UBR1: variants seen among roughly 807,000 people sequenced by gnomAD.
The protein encoded by UBR1 is E3 ubiquitin-protein ligase UBR1.
A neutral mutation model predicts 242.1 loss-of-function variants in UBR1; 102 were observed. The ratio of observed to expected loss-of-function variants is 0.42; its 90% confidence interval spans 0.36 to 0.50. The LOEUF (loss-of-function observed/expected upper bound fraction) is 0.50. Ranked by LOEUF, UBR1 falls within the 20% of genes least tolerant of loss-of-function variation. The pLI is 0.01. For synonymous variants in UBR1, 675 were observed against 684.8 expected (o/e 0.99, Z 0.22); for missense variants, 1,772 against 2,101.8 (o/e 0.84, Z 3.07).
rs2033155918 is a variant in UBR1 at position 43,024,678 on chromosome 15, A to C, written c.2739+151T>G. 2.8e-6 allele frequency: 3 copies of C among 1,078,638 alleles called. No homozygotes were observed. In the African/African-American group the frequency reaches 4.7e-5, roughly 17 times the overall value. 66.8% of individuals were successfully genotyped at this position (1,078,638 alleles called of 1,614,324 possible). A position where few individuals can be genotyped will look rare whatever the true frequency, so the allele number is the denominator to read the frequency against. On this transcript the variant is annotated intron_variant, in intron 25 of 46. Coordinates refer to ENST00000290650, the MANE Select transcript of UBR1 (RefSeq NM_174916.3). ...ATGCTAAAAACACGAGATCACTAAA[A>C]AAAATTTGTGCTGTGTGTAAGCTAT...
intron 31 of UBR1, among the ~76,000 whole-genome samples, chr15:43,003,087 C>G (rs1040779705): frequency 2.6e-5 from 4 of 152,132 alleles, no homozygotes; most frequent in Non-Finnish European, 2.9e-5. Context: ...AAACTCTACA[C>G]AAAAGATTTC....
chr15:43,039,167 C>T (rs150882485), intron 15 of UBR1, among the ~76,000 whole-genome samples: 147 of 151,876 alleles, frequency 9.7e-4, no homozygotes, highest in African/African-American at 3.4e-3. Flanking sequence ...ATCAATTATG[C>T]CATATACAAA....
intron 33 of UBR1, among the ~76,000 whole-genome samples, chr15:42,995,875 C>T (rs545578156): frequency 1.3e-5 from 2 of 152,190 alleles, no homozygotes; most frequent in South Asian, 2.1e-4. Context: ...TCATTGCTGA[C>T]TGTTGTCTTC....
rs2033511822 is a variant in UBR1 at position 43,048,379 on chromosome 15, A to G, written c.1539+13T>C. The G allele has an allele frequency of 3.8e-6, 6 of 1,598,542 alleles. No homozygotes were observed. Among genetic ancestry groups the G allele is most frequent in the Non-Finnish European group, 5.1e-6 (6 of 1,169,078 alleles). ...TAAATTTCTTTTACTGATGTACAGAAAAATGATCATACCTGCATACAGGTA... is the reference window on the plus strand; with the variant it reads ...TAAATTTCTTTTACTGATGTACAGAGAAATGATCATACCTGCATACAGGTA... On this transcript the variant is annotated intron_variant, in intron 13 of 46. Coordinates refer to ENST00000290650, the MANE Select transcript of UBR1 (RefSeq NM_174916.3).
intron 25 of UBR1, among the ~76,000 whole-genome samples, 162 bp from the exon 26 acceptor site, chr15:43,022,963 A>C (rs916541377): frequency 2.6e-5 from 4 of 152,144 alleles, no homozygotes; most frequent in African/African-American, 7.2e-5. Flanking sequence ...CTTGGGCTCA[A>C]GTGATCCTCC....
At chr15:43,078,211 A>C (rs901761028) in intron 3 of UBR1, among the ~76,000 whole-genome samples, 4 of 152,238 alleles carry the variant, frequency 2.6e-5, no homozygotes, top group African/African-American at 4.8e-5. Flanking sequence ...AAAGAAAGTG[A>C]GAAGGACAAG....
At chr15:43,044,658 C>T (rs1015718431) in intron 14 of UBR1, among the ~76,000 whole-genome samples, 2 of 152,028 alleles carry the variant, frequency 1.3e-5, no homozygotes, top group African/African-American at 2.4e-5. Flanking sequence ...TTTGGAAGGC[C>T]GAGGTGGGCA....
chr15:43,091,172 A>AG (rs2034101761), intron 1 of UBR1, among the ~76,000 whole-genome samples: 1 of 152,262 alleles, frequency 6.6e-6, no homozygotes, highest in Non-Finnish European at 1.5e-5. Flanking sequence ...TCCCGACCTC[A>AG]GGTGATCCGC....
At chr15:43,088,951 T>G (rs1180882992) in intron 1 of UBR1, among the ~76,000 whole-genome samples, 1 of 141,550 alleles carries the variant, frequency 7.1e-6, no homozygotes, top group Non-Finnish European at 1.5e-5. Flanking sequence ...CACTTGAGGT[T>G]AGGAGTTCGA....
At chr15:43,036,458 C>T (rs890601260) in intron 18 of UBR1, 70 bp downstream of exon 18, 1 of 1,310,994 alleles carries the variant, frequency 7.6e-7, no homozygotes, top group Non-Finnish European at 1.1e-6. Flanking sequence ...ATTACATTAT[C>T]TTCTCTCCTT....
chr15:42,968,619 C>A (rs1189739010), intron 40 of UBR1, among the ~76,000 whole-genome samples: 1 of 151,860 alleles, frequency 6.6e-6, no homozygotes, highest in Non-Finnish European at 1.5e-5. Context: ...TTTGCTGCAC[C>A]CAGCAACCCG....
At chr15:43,105,800 T>G in intron 1 of UBR1, 142 bp downstream of exon 1, 1 of 773,386 alleles carries the variant, frequency 1.3e-6, no homozygotes, top group Non-Finnish European at 2.1e-6. Context: ...GACTAACTTT[T>G]TATTCGGTGG....
rs1432229948 is a variant in UBR1, at chr15:43,105,939, T to C, written c.81+3A>G. The C allele has an allele frequency of 1.2e-6, 2 of 1,613,932 alleles. No homozygotes were observed. The highest frequency in any genetic ancestry group is 1.7e-5 in the Admixed American group (1 of 60,014). On this transcript the variant is annotated splice_donor_region_variant and intron_variant, in intron 1 of 46. Transcript: ENST00000290650. ...CAAAAGAGACTTGCCTATAGGGACT[T>C]ACAGATGCCAGACGCTGAGGGGTCT...
At chr15:43,032,944 A>G (rs182103893) in intron 19 of UBR1, among the ~76,000 whole-genome samples, 2 of 152,316 alleles carry the variant, frequency 1.3e-5, no homozygotes, top group Admixed American at 1.3e-4. Context: ...TACCTGCGTT[A>G]GTGAGAAAGT....
At chr15:43,023,351 G>A (rs560635349) in intron 25 of UBR1, among the ~76,000 whole-genome samples, 10 of 152,084 alleles carry the variant, frequency 6.6e-5, no homozygotes, top group South Asian at 2.1e-4. Context: ...CAGCACTTTC[G>A]GAGGTTTGGG....
chr15:43,025,377 T>C lies in UBR1; in HGVS notation c.2584+4A>G. 1 of 1,608,220 alleles carries C rather than the reference T, an allele frequency of 6.2e-7. No individual in the cohort carries two copies. Among genetic ancestry groups the C allele is most frequent in the South Asian group, 1.1e-5 (1 of 90,832 alleles). On this transcript the variant is annotated splice_donor_region_variant and intron_variant, in intron 24 of 46. Transcript: ENST00000290650. ...ATGAGTCAATTCAGAATCTCACTTT[T>C]TACCTTCATCTTTGTTTTCTTGTTT... is the stretch of plus-strand genomic sequence containing the variant.
At chr15:42,992,696 A>G (rs568504575) in intron 33 of UBR1, among the ~76,000 whole-genome samples, 75 of 152,228 alleles carry the variant, frequency 4.9e-4, no homozygotes, top group African/African-American at 1.7e-3. Context: ...GTCCCCTTCT[A>G]TAGTTCTCTC....
intron 12 of UBR1, among the ~76,000 whole-genome samples, chr15:43,051,617 T>A (rs551149171): frequency 1.7e-4 from 26 of 152,304 alleles, no homozygotes; most frequent in African/African-American, 6.3e-4. Flanking sequence ...CCCAGATGAT[T>A]TGCATTCACA....
intron 33 of UBR1, among the ~76,000 whole-genome samples, chr15:42,992,991 G>A (rs980824476): frequency 6.6e-6 from 1 of 152,194 alleles, no homozygotes. Context: ...TGGCCACCAT[G>A]GCTGTGCAGC....
Sources: gnomAD v4.1 joint callset for allele counts (sites outside exome capture counted in the v4.1 genomes callset) on GRCh38, gnomAD v4.1.1 for gene constraint, MANE v1.5 for transcripts, NCBI Gene and HGNC (gene_info 2026-07-23, HGNC 2026-07-21) for gene names.